PCDHA13: variants seen among roughly 807,000 people sequenced by gnomAD.
PCDHA13 encodes protocadherin alpha 13.
A neutral mutation model predicts 64.8 loss-of-function variants in PCDHA13; 54 were observed. The observed-to-expected ratio is 0.83, with a 90% CI of 0.67 to 1.04. PCDHA13 has a LOEUF of 1.04. Ranked by LOEUF, PCDHA13 falls within the 50% of genes least tolerant of loss-of-function variation. PCDHA13 has a pLI of 0.00. For missense variants in PCDHA13, 1,248 were observed against 1,254.3 expected (o/e 0.99, Z 0.08); for synonymous variants, 587 against 564.4 (o/e 1.04, Z -0.57).
intron 1 of PCDHA13, among the ~76,000 whole-genome samples, chr5:140,945,058 C>A (rs939271004): frequency 1.3e-5 from 2 of 151,996 alleles, no homozygotes; most frequent in Non-Finnish European, 2.9e-5. Flanking sequence ...AAAGAAAACC[C>A]TACAGACTCC....
At chr5:140,969,374 G>A (rs1554231740) in intron 1 of PCDHA13, 1 of 1,606,076 alleles carries the variant, frequency 6.2e-7, no homozygotes, top group South Asian at 1.1e-5. Flanking sequence ...TCATGCATTT[G>A]TTACACATCC....
intron 1 of PCDHA13, among the ~76,000 whole-genome samples, chr5:140,958,944 T>G (rs199974895): frequency 1.0e-5 from 1 of 100,018 alleles, no homozygotes; most frequent in African/African-American, 4.8e-5. Context: ...TGTAATAATA[T>G]TATATTATTA....
chr5:141,009,975 GTAA>G lies in PCDHA13; in HGVS notation c.*43_*45del. The G allele has an allele frequency of 6.3e-7, 1 of 1,585,060 alleles. No individual in the cohort carries two copies. Among genetic ancestry groups the G allele is most frequent in the Non-Finnish European group, 8.6e-7 (1 of 1,168,878 alleles). ...GAAACAAGCCACTTAGCCAGTTTTT[GTAA>G]TAATGGCAAATCTCTCCCATGTAGC... On this transcript the variant is annotated 3_prime_UTR_variant, in exon 4 of 4. Coordinates refer to ENST00000289272, the MANE Select transcript of PCDHA13 (RefSeq NM_018904.3).
At chr5:141,009,501 C>G in intron 3 of PCDHA13, 126 bp from the exon 4 acceptor site, 2 of 1,492,598 alleles carry the variant, frequency 1.3e-6, no homozygotes, top group Non-Finnish European at 1.8e-6. Context: ...CAGACTTGAA[C>G]AAACAACTCG....
chr5:140,974,994 A>C (rs901871984), intron 1 of PCDHA13, among the ~76,000 whole-genome samples: 8 of 152,126 alleles, frequency 5.3e-5, no homozygotes, highest in African/African-American at 1.9e-4. Flanking sequence ...AGGTATTCTC[A>C]AGGCTGAAAT....
chr5:140,955,284 T>C (rs1207930664), intron 1 of PCDHA13, among the ~76,000 whole-genome samples: 1 of 152,170 alleles, frequency 6.6e-6, no homozygotes, highest in African/African-American at 2.4e-5. Context: ...CATATTGATA[T>C]GGTTTGGCTG....
At chr5:140,886,746 A>C (rs2061113111) in intron 1 of PCDHA13, among the ~76,000 whole-genome samples, 1 of 151,722 alleles carries the variant, frequency 6.6e-6, no homozygotes. Context: ...GAATTGCTTG[A>C]ACCCGGGAGG....
chr5:140,917,442 G>C (rs186885625), intron 1 of PCDHA13, among the ~76,000 whole-genome samples: 5 of 152,072 alleles, frequency 3.3e-5, no homozygotes, highest in Admixed American at 3.3e-4. Flanking sequence ...TGTTTTTGCT[G>C]CAAGAGCGTT....
intron 1 of PCDHA13, among the ~76,000 whole-genome samples, chr5:140,955,244 G>A (rs1554221834): frequency 2.0e-5 from 3 of 152,072 alleles, no homozygotes; most frequent in South Asian, 2.1e-4. Flanking sequence ...GCTTAGGATC[G>A]GCTTGGCTAT....
chr5:140,936,640 C>G (rs782162757), intron 1 of PCDHA13, among the ~76,000 whole-genome samples: 3 of 152,208 alleles, frequency 2.0e-5, no homozygotes, highest in African/African-American at 7.2e-5. Context: ...TCATAAGCAA[C>G]GTGACTTTAT....
chr5:140,968,307 A>G (rs1554230602), intron 1 of PCDHA13: 1 of 1,613,964 alleles, frequency 6.2e-7, no homozygotes, highest in South Asian at 1.1e-5. Context: ...AGGGAGATTC[A>G]AGGGCTGCCA....
intron 1 of PCDHA13, chr5:140,968,168 A>T (rs145694919): frequency 3.1e-6 from 5 of 1,614,098 alleles, no homozygotes; most frequent in Non-Finnish European, 4.2e-6. Context: ...CAATCCACCA[A>T]GCTTCCTGGA....
At chr5:140,895,964 C>T (rs2065282764) in intron 1 of PCDHA13, among the ~76,000 whole-genome samples, 2 of 152,120 alleles carry the variant, frequency 1.3e-5, no homozygotes, top group South Asian at 4.1e-4. Flanking sequence ...GTGCCTGTCA[C>T]CAGGCCTAGC....
In PCDHA13 at chr5:140,884,535, C is replaced by A. The variant is rs142468733; in HGVS notation, c.2267C>A (p.Pro756Gln). 15 of 1,614,034 alleles carry A rather than the reference C, an allele frequency of 9.3e-6. No individual in the cohort carries two copies. The South Asian group carries it at 1.5e-4, about 17-fold the overall frequency. The part of the protein sequence containing the change: ...GSWSYSQQRR[P>Q]RVCSGEGPHK... ...TGGTCGTACTCGCAGCAGAGGCGGCCGAGGGTGTGCTCTGGGGAGGGCCCG... is the reference window on the plus strand; with the variant it reads ...TGGTCGTACTCGCAGCAGAGGCGGCAGAGGGTGTGCTCTGGGGAGGGCCCG... Residue 756 changes from proline (P) to glutamine (Q), a missense_variant, in exon 1 of 4, where the codon CCG (proline) becomes CAG (glutamine). Pro to Gln is a moderately conservative substitution (Grantham distance 76). Transcript: ENST00000289272.
intron 3 of PCDHA13, among the ~76,000 whole-genome samples, chr5:141,002,946 G>A (rs2098104148): frequency 6.6e-6 from 1 of 152,180 alleles, no homozygotes; most frequent in African/African-American, 2.4e-5. Flanking sequence ...TCCAGCACAT[G>A]CCCCTCTGAG....
intron 3 of PCDHA13, among the ~76,000 whole-genome samples, chr5:141,007,754 T>C (rs991882656): frequency 6.6e-6 from 1 of 152,172 alleles, no homozygotes; most frequent in African/African-American, 2.4e-5. Flanking sequence ...AACTTTGGAC[T>C]CTTATTGGCC....
chr5:140,893,112 G>T (rs782797637), intron 1 of PCDHA13, among the ~76,000 whole-genome samples: 5 of 152,148 alleles, frequency 3.3e-5, no homozygotes, highest in Non-Finnish European at 7.3e-5. Flanking sequence ...ATTCCGTTGT[G>T]CATATACACC....
At chr5:140,918,111 C>A (rs1035723043) in intron 1 of PCDHA13, among the ~76,000 whole-genome samples, 1 of 152,016 alleles carries the variant, frequency 6.6e-6, no homozygotes, top group Admixed American at 6.6e-5. Flanking sequence ...CTTTCACATC[C>A]TTGATTAGCC....
intron 1 of PCDHA13, among the ~76,000 whole-genome samples, chr5:140,906,179 C>G (rs2072430767): frequency 1.3e-5 from 2 of 152,172 alleles, no homozygotes; most frequent in African/African-American, 4.8e-5. Flanking sequence ...TACTTTGCAT[C>G]CTTCAATCCA....
Sources: allele counts gnomAD v4.1 joint callset (sites outside exome capture counted in the v4.1 genomes callset), GRCh38; gene constraint gnomAD v4.1.1; transcripts MANE v1.5; gene names NCBI Gene and HGNC (gene_info 2026-07-23, HGNC 2026-07-21).